CRY1: variants seen among roughly 807,000 people sequenced by gnomAD.
The protein encoded by CRY1 is cryptochrome circadian regulator 1, also known as cryptochrome-1.
Under a neutral mutation model 76.0 loss-of-function variants are expected in CRY1, and 45 were observed. The ratio of observed to expected loss-of-function variants is 0.59; its 90% CI spans 0.47 to 0.76. The LOEUF (loss-of-function observed/expected upper bound fraction) is 0.76. Among genes scored for constraint, CRY1 ranks in the 30% least tolerant of loss-of-function variants. CRY1 has a pLI of 0.00. For synonymous variants in CRY1, 248 were observed against 244.0 expected (o/e 1.02, Z -0.15); for missense variants, 587 against 716.4 (o/e 0.82, Z 2.06).
Position 107,092,805 on chromosome 12 carries a change from G to C in CRY1, c.157C>G (p.Arg53Gly). Residue 53 changes from arginine to glycine, a missense_variant and splice_region_variant, in exon 1 of 13, where the codon CGA becomes GGA. Physicochemically the swap from Arg to Gly is moderately radical, Grantham distance 125 (BLOSUM62 -2). Coordinates refer to ENST00000008527, the MANE Select transcript of CRY1 (RefSeq NM_004075.5). ...GSSNVGINRW[R>G]FLLQCLEDLD... is the part of the protein sequence containing the mutation. ...ATTTCCCACGGGCTTGTGACTCACC[G>C]CCACCTGTTGATGCCCACATTGGAG... The C allele has an allele frequency of 1.2e-6, 2 of 1,611,350 alleles. No homozygotes were observed. Among genetic ancestry groups the C allele is most frequent in the Non-Finnish European group, 1.7e-6 (2 of 1,179,716 alleles).
At chr12:107,058,965 C>T (rs1418056147) in intron 1 of CRY1, among the ~76,000 whole-genome samples, 2 of 152,230 alleles carry the variant, frequency 1.3e-5, no homozygotes, top group South Asian at 2.1e-4. Context: ...ACAGATATGG[C>T]CTAGGGCAAG....
At chr12:107,061,195 A>G (rs1953042306) in intron 1 of CRY1, among the ~76,000 whole-genome samples, 2 of 152,284 alleles carry the variant, frequency 1.3e-5, no homozygotes, top group East Asian at 1.9e-4. Flanking sequence ...AAATGTAAAC[A>G]TATTTTAATT....
intron 1 of CRY1, among the ~76,000 whole-genome samples, chr12:107,050,700 A>AACAGAAAT (rs1952908060): frequency 6.6e-6 from 1 of 152,212 alleles, no homozygotes; most frequent in South Asian, 2.1e-4. Flanking sequence ...TAGCAGCACA[A>AACAGAAAT]ACAGAAATAA....
intron 1 of CRY1, among the ~76,000 whole-genome samples, chr12:107,068,321 A>G (rs915773658): frequency 5.3e-5 from 8 of 152,158 alleles, no homozygotes; most frequent in South Asian, 2.1e-4. Context: ...TCTTTGAGAC[A>G]GCGTCTCACT....
intron 1 of CRY1, among the ~76,000 whole-genome samples, chr12:107,080,666 G>T (rs888657328): frequency 4.6e-5 from 7 of 151,466 alleles, no homozygotes; most frequent in African/African-American, 1.7e-4. Flanking sequence ...AAATAAAAAA[G>T]AAAAAAAGAA....
intron 2 of CRY1, among the ~76,000 whole-genome samples, chr12:107,017,584 C>G (rs920140428): frequency 2.0e-5 from 3 of 152,116 alleles, no homozygotes; most frequent in Non-Finnish European, 4.4e-5. Flanking sequence ...ATATTCTACC[C>G]CAGGCTTTCT....
intron 1 of CRY1, among the ~76,000 whole-genome samples, chr12:107,067,853 T>A (rs1405985067): frequency 6.6e-6 from 1 of 152,182 alleles, no homozygotes; most frequent in Non-Finnish European, 1.5e-5. Flanking sequence ...ACCGAGGATG[T>A]TCCATGGGCC....
rs139695785 is a variant in CRY1, at chr12:107,085,141, G to A, written c.158+7663C>T. On this transcript the variant is annotated intron_variant, in intron 1 of 12. Coordinates refer to ENST00000008527, the MANE Select transcript of CRY1 (RefSeq NM_004075.5). Reference sequence around the variant, plus strand: ...ACCATTTCATGCCAGTTAGAACAGCGATTATTAAAAGTCAGGAAACAACAG... The same window carrying A: ...ACCATTTCATGCCAGTTAGAACAGCAATTATTAAAAGTCAGGAAACAACAG... Among the ~76,000 whole-genome samples the A allele has an allele frequency of 5.7e-4, 87 of 152,244 alleles. 1 individual carries two copies. In the East Asian group the frequency reaches 0.015, roughly 26 times the overall value.
chr12:107,092,484 A>T lies in CRY1; in HGVS notation c.158+320T>A, dbSNP rs1953483696. 2.0e-5 allele frequency among the ~76,000 whole-genome samples: 3 copies of T among 152,174 alleles called. No individual in the cohort carries two copies. In the South Asian group the frequency reaches 6.2e-4, roughly 32 times the overall value. On this transcript the variant is annotated intron_variant, in intron 1 of 12. Coordinates refer to ENST00000008527, the MANE Select transcript of CRY1 (RefSeq NM_004075.5). ...ACAAAAAGGCCAAGGGAATCCATAT[A>T]CAATGGCCACTAAGGACAGGAAAGG...
intron 1 of CRY1, among the ~76,000 whole-genome samples, chr12:107,085,139 G>T (rs1341485321): frequency 6.6e-6 from 1 of 152,158 alleles, no homozygotes; most frequent in Non-Finnish European, 1.5e-5. Flanking sequence ...AGTTAGAACA[G>T]CGATTATTAA....
intron 1 of CRY1, among the ~76,000 whole-genome samples, chr12:107,024,522 ATATGCCATCAT>A (rs1952587560): frequency 2.0e-5 from 3 of 152,062 alleles, no homozygotes; most frequent in Admixed American, 2.0e-4. Context: ...GACCACAGGC[ATATGCCATCAT>A]GCCCAGCTAA....
At position 106,994,170 on chromosome 12, in the gene CRY1, T is replaced by C. The variant is rs985864616; in HGVS notation, c.1586-1134A>G. On this transcript the variant is annotated intron_variant, in intron 10 of 12. Coordinates refer to ENST00000008527, the MANE Select transcript of CRY1 (RefSeq NM_004075.5). ...GATAAGTGTAAGGCATAAAAGGATA[T>C]GCTTTAGAAGCATTTAAGTCCTTTC... Among the ~76,000 whole-genome samples the C allele has an allele frequency of 3.3e-5, 5 of 152,192 alleles. No homozygotes were observed. In the East Asian group the frequency reaches 9.6e-4, roughly 29 times the overall value.
At chr12:107,001,149 T>C in intron 5 of CRY1, 131 bp downstream of exon 5, 1 of 647,124 alleles carries the variant, frequency 1.5e-6, no homozygotes, top group Non-Finnish European at 2.7e-6. Context: ...ATTAGGTTTG[T>C]GCTATTTTAA....
chr12:107,002,097 G>A, intron 3 of CRY1, 149 bp from the exon 4 acceptor site: 1 of 611,424 alleles, frequency 1.6e-6, no homozygotes, highest in South Asian at 2.5e-5. Flanking sequence ...CAAGAAATGT[G>A]TCCAAAATGA....
At chr12:107,021,747 C>A (rs1359039554) in intron 2 of CRY1, among the ~76,000 whole-genome samples, 1 of 150,976 alleles carries the variant, frequency 6.6e-6, no homozygotes, top group African/African-American at 2.4e-5. Context: ...TATATACACA[C>A]ACAAAAAATT....
At chr12:107,030,907 TC>T (rs1438181415) in intron 1 of CRY1, among the ~76,000 whole-genome samples, 1 of 152,056 alleles carries the variant, frequency 6.6e-6, no homozygotes, top group Non-Finnish European at 1.5e-5. Flanking sequence ...TATGCTTAAA[TC>T]ACAGAAACTC....
chr12:107,028,677 A>G (rs1952642455), intron 1 of CRY1, among the ~76,000 whole-genome samples: 1 of 152,224 alleles, frequency 6.6e-6, no homozygotes, highest in South Asian at 2.1e-4. Context: ...GCATGATATA[A>G]GGAGACAATG....
At position 107,022,211 on chromosome 12, in the gene CRY1, T is replaced by TTTTTAATA; in HGVS notation, c.159-20_159-19insTATTAAAA. ...CAAAAATCTAGAGAGAAGAAAGTAT[T>TTTTTAATA]ATTTAAATTATTAAAAAATACATAT... On this transcript the variant is annotated intron_variant, in intron 1 of 12. Coordinates refer to ENST00000008527, the MANE Select transcript of CRY1 (RefSeq NM_004075.5). 2 of 1,355,974 alleles carry TTTTTAATA rather than the reference T, an allele frequency of 1.5e-6. No individual in the cohort carries two copies. Among genetic ancestry groups the TTTTTAATA allele is most frequent in the Non-Finnish European group, 2.0e-6 (2 of 986,276 alleles). 84.0% of individuals were successfully genotyped at this position (1,355,974 alleles called of 1,614,324 possible).
chr12:107,074,120 T>G (rs1046781394), intron 1 of CRY1, among the ~76,000 whole-genome samples: 108 of 152,282 alleles, frequency 7.1e-4, no homozygotes, highest in Non-Finnish European at 1.3e-4. Context: ...TATCTTCCTT[T>G]CATTCAATCT....
Sources: allele counts gnomAD v4.1 joint callset (sites outside exome capture counted in the v4.1 genomes callset), GRCh38; gene constraint gnomAD v4.1.1; transcripts MANE v1.5; gene names NCBI Gene and HGNC (gene_info 2026-07-23, HGNC 2026-07-21).